The following COMMD1 variants were observed in gnomAD, a reference collection of about 807,000 sequenced individuals.
The protein encoded by COMMD1 is copper metabolism domain containing 1.
Under a neutral mutation model 17.2 loss-of-function variants are expected in COMMD1, and 10 were observed. That is an observed-to-expected ratio of 0.58 (90% CI 0.36 to 0.99). COMMD1 has a LOEUF of 0.99. Among genes scored for constraint, COMMD1 ranks in the 50% least tolerant of loss-of-function variants. COMMD1 has a pLI of 0.01. For synonymous variants in COMMD1, 97 were observed against 91.6 expected (o/e 1.06, Z -0.34); for missense variants, 270 against 231.8 (o/e 1.17, Z -1.07).
intron 2 of COMMD1, among the ~76,000 whole-genome samples, chr2:62,062,067 A>G (rs963226163): frequency 9.9e-5 from 15 of 151,920 alleles, no homozygotes; most frequent in Non-Finnish European, 1.9e-4. Flanking sequence ...CTGTGGAGTC[A>G]AACTGACCTG....
chr2:61,968,797 G>T (rs1162760228), intron 1 of COMMD1, among the ~76,000 whole-genome samples: 4 of 151,948 alleles, frequency 2.6e-5, no homozygotes, highest in Non-Finnish European at 5.9e-5. Flanking sequence ...AGCTCAAGCA[G>T]TCCATTTGCC....
At chr2:61,909,476 T>G (rs1669851169) in intron 1 of COMMD1, among the ~76,000 whole-genome samples, 1 of 152,168 alleles carries the variant, frequency 6.6e-6, no homozygotes, top group African/African-American at 2.4e-5. Context: ...TACAGGATTC[T>G]GAGTTAAGAA....
At chr2:61,969,957 G>A (rs1354299897) in intron 1 of COMMD1, among the ~76,000 whole-genome samples, 1 of 151,910 alleles carries the variant, frequency 6.6e-6, no homozygotes, top group African/African-American at 2.4e-5. Context: ...TTTCCAAGCA[G>A]AATGAGAATA....
intron 2 of COMMD1, among the ~76,000 whole-genome samples, chr2:62,115,856 C>T (rs5022019): frequency 6.4e-4 from 32 of 50,278 alleles, no homozygotes; most frequent in South Asian, 8.8e-4. Flanking sequence ...TTCTTTCTTT[C>T]TTTCTTTTTT....
intron 2 of COMMD1, among the ~76,000 whole-genome samples, chr2:62,105,840 C>T (rs1009944471): frequency 2.6e-5 from 4 of 152,178 alleles, no homozygotes; most frequent in African/African-American, 4.8e-5. Flanking sequence ...AAATAATAAA[C>T]GACCAGATCT....
At chr2:61,976,162 T>TA (rs990521171) in intron 1 of COMMD1, among the ~76,000 whole-genome samples, 4 of 146,822 alleles carry the variant, frequency 2.7e-5, no homozygotes, top group Admixed American at 2.0e-4. Context: ...AGGGTAGCTT[T>TA]AAAAAAAAGG....
chr2:62,082,637 G>A (rs529165491), intron 2 of COMMD1, among the ~76,000 whole-genome samples: 9 of 151,780 alleles, frequency 5.9e-5, no homozygotes, highest in Non-Finnish European at 1.3e-4. Context: ...CGAGGCAGGC[G>A]GATCACAAGG....
At chr2:61,996,174 A>G (rs899371587) in intron 1 of COMMD1, among the ~76,000 whole-genome samples, 2 of 152,160 alleles carry the variant, frequency 1.3e-5, no homozygotes, top group Non-Finnish European at 2.9e-5. Flanking sequence ...CTCCAGCCTG[A>G]GTAACAGAGA....
chr2:62,093,291 G>C (rs1671893369), intron 2 of COMMD1, among the ~76,000 whole-genome samples: 1 of 152,208 alleles, frequency 6.6e-6, no homozygotes, highest in African/African-American at 2.4e-5. Flanking sequence ...TGGGAGCCAT[G>C]TAAGGGCTTG....
intron 2 of COMMD1, among the ~76,000 whole-genome samples, chr2:62,093,357 T>C (rs1671896935): frequency 6.6e-6 from 1 of 152,202 alleles, no homozygotes; most frequent in African/African-American, 2.4e-5. Flanking sequence ...TGGGCTACCA[T>C]GGGGGATGGT....
intron 2 of COMMD1, among the ~76,000 whole-genome samples, chr2:62,106,834 G>T (rs774426732): frequency 7.9e-5 from 12 of 152,294 alleles, no homozygotes; most frequent in Middle Eastern, 6.8e-3. Flanking sequence ...GTGCACATCC[G>T]TGTGTGTGAG....
intron 1 of COMMD1, among the ~76,000 whole-genome samples, chr2:61,960,524 G>T (rs1326890569): frequency 6.6e-6 from 1 of 152,200 alleles, no homozygotes; most frequent in Non-Finnish European, 1.5e-5. Context: ...GGTTACTAAT[G>T]TCAGAATTTT....
rs1670516683 is a variant in COMMD1, at chr2:62,050,881, TCAAAAA to T, written c.462+49908_462+49913del. 2.6e-5 allele frequency among the ~76,000 whole-genome samples: 4 copies of T among 152,222 alleles called. No homozygotes were observed. In the South Asian group the frequency reaches 6.2e-4, roughly 24 times the overall value. On this transcript the variant is annotated intron_variant, in intron 2 of 2. Coordinates refer to ENST00000311832, the MANE Select transcript of COMMD1 (RefSeq NM_152516.4). ...TTTTCAGAAGATCAGGACTTGTGAA[TCAAAAA>T]CAAAAACAGAAACAAACAGAACCCC...
chr2:62,111,217 G>A (rs1175591016), intron 2 of COMMD1, among the ~76,000 whole-genome samples: 2 of 152,130 alleles, frequency 1.3e-5, no homozygotes, highest in Non-Finnish European at 2.9e-5. Flanking sequence ...TTGTAAAGGT[G>A]GAAAAAGTAT....
chr2:62,025,643 G>T (rs956008811), intron 2 of COMMD1, among the ~76,000 whole-genome samples: 4 of 151,872 alleles, frequency 2.6e-5, no homozygotes, highest in African/African-American at 9.7e-5. Context: ...TGACAGGTAA[G>T]TAAAAGATGA....
chr2:62,009,380 G>T (rs995818060), intron 2 of COMMD1, among the ~76,000 whole-genome samples: 8 of 151,922 alleles, frequency 5.3e-5, no homozygotes, highest in Non-Finnish European at 1.2e-4. Flanking sequence ...TGAGGCGGGC[G>T]GATCACCTGA....
intron 1 of COMMD1, among the ~76,000 whole-genome samples, chr2:61,926,097 A>G (rs950408211): frequency 1.3e-5 from 2 of 152,006 alleles, no homozygotes; most frequent in Non-Finnish European, 2.9e-5. Flanking sequence ...CAGCCTCCCG[A>G]GTAGCTGGGA....
chr2:61,970,860 A>C (rs377059505), intron 1 of COMMD1, among the ~76,000 whole-genome samples: 16 of 152,196 alleles, frequency 1.1e-4, no homozygotes, highest in African/African-American at 3.9e-4. Flanking sequence ...ATTAGGCTGC[A>C]TTAATTTATC....
intron 1 of COMMD1, among the ~76,000 whole-genome samples, chr2:61,893,024 T>A (rs1669471507): frequency 6.6e-6 from 1 of 151,838 alleles, no homozygotes; most frequent in Non-Finnish European, 1.5e-5. Flanking sequence ...TGCGCCACCG[T>A]GGTCGGCTAA....
Sources: gnomAD v4.1 joint callset for allele counts (sites outside exome capture counted in the v4.1 genomes callset) on GRCh38, gnomAD v4.1.1 for gene constraint, MANE v1.5 for transcripts, NCBI Gene and HGNC (gene_info 2026-07-23, HGNC 2026-07-21) for gene names.